KIF21B: variants seen among roughly 807,000 people sequenced by gnomAD.
The protein encoded by KIF21B is kinesin family member 21B, also known as kinesin-like protein KIF21B.
KIF21B carries 85 observed loss-of-function variants against 192.9 expected under a neutral mutation model. The ratio of observed to expected loss-of-function variants is 0.44; its 90% CI spans 0.37 to 0.53. The LOEUF is 0.53. Ranked by LOEUF, KIF21B falls within the 20% of genes least tolerant of loss-of-function variation. The probability of loss-of-function intolerance (pLI) is 0.00; values close to 1 mark genes in which losing one functional copy is unlikely to be tolerated. For missense variants in KIF21B, 1,716 were observed against 2,194.8 expected (o/e 0.78, Z 4.36); for synonymous variants, 832 against 884.6 (o/e 0.94, Z 1.05).
In KIF21B at chr1:200,984,868, G is replaced by A. The variant is rs144598197; in HGVS notation, c.3794C>T (p.Ala1265Val). 78 of 1,592,194 alleles carry A rather than the reference G, an allele frequency of 4.9e-5. 1 individual carries two copies. The highest frequency in any genetic ancestry group is 4.5e-5 in the Non-Finnish European group (53 of 1,171,228). ...CTCCAGCCCTGCTTACTTGTCCAGCGCTGACCCCTGGCTCTGATTACTGGT... is the reference window on the plus strand; with the variant it reads ...CTCCAGCCCTGCTTACTTGTCCAGCACTGACCCCTGGCTCTGATTACTGGT... Reference protein sequence around the residue: ...RLTSNQSQGSALDKSDDSDSS... With the variant: ...RLTSNQSQGSVLDKSDDSDSS... Residue 1265 changes from alanine (A) to valine (V), a missense_variant, in exon 27 of 35, where the codon GCG (alanine) becomes GTG (valine). This residue lies in a region of KIF21B where 580 missense variants were observed against 775.5 expected (regional missense o/e 0.75). Transcript: ENST00000461742.
chr1:200,976,704 C>T, intron 32 of KIF21B, 72 bp downstream of exon 32: 1 of 963,060 alleles, frequency 1.0e-6, no homozygotes, highest in Non-Finnish European at 1.6e-6. Context: ...ATGGGTACTC[C>T]CAGGGCAACA....
chr1:201,020,147 C>T (rs1179677364), intron 1 of KIF21B, among the ~76,000 whole-genome samples: 1 of 152,044 alleles, frequency 6.6e-6, no homozygotes, highest in Non-Finnish European at 1.5e-5. Context: ...GGAAGCCAGG[C>T]AGAGATAAGA....
chr1:200,982,947 C>T lies in KIF21B; in HGVS notation c.3842+109G>A. The T allele has an allele frequency of 1.0e-6, 1 of 961,540 alleles. No individual in the cohort carries two copies. Among genetic ancestry groups the T allele is most frequent in the African/African-American group, 1.6e-5 (1 of 62,010 alleles). 59.6% of individuals were successfully genotyped at this position (961,540 alleles called of 1,614,324 possible). On this transcript the variant is annotated intron_variant, in intron 28 of 34. Transcript: ENST00000461742. This position sits in a 1 kb window ranked among gnomAD's most constrained non-coding sequence, Gnocchi z 4.7. ...AGCAGGAAGGGGAGTGGAGGGGCCG[C>T]ATGCTGAGGACACGGGTGTCAGGCG... is the stretch of plus-strand genomic sequence containing the variant.
chr1:200,979,406 G>A, intron 30 of KIF21B, 129 bp downstream of exon 30: 2 of 608,866 alleles, frequency 3.3e-6, no homozygotes, highest in Non-Finnish European at 5.3e-6. Context: ...AAGTTCATAG[G>A]CTGGTAATGG....
chr1:201,013,148 C>T (rs549360849), intron 1 of KIF21B, among the ~76,000 whole-genome samples: 1 of 152,314 alleles, frequency 6.6e-6, no homozygotes, highest in Non-Finnish European at 1.5e-5. Flanking sequence ...CCACACCCTG[C>T]CTAGTGGCAA....
Position 200,976,891 on chromosome 1 carries a change from AACCTGC to A in KIF21B, c.4326-4_4327del. ...GCCAGTCAGCTTGCCGACAGGCTGGAACCTGCAGTGGGAAGAGGCCCAGCCAGGGGT... is the reference window on the plus strand; with the variant it reads ...GCCAGTCAGCTTGCCGACAGGCTGGAAGTGGGAAGAGGCCCAGCCAGGGGT... On this transcript the variant is annotated splice_acceptor_variant and splice_polypyrimidine_tract_variant and coding_sequence_variant and intron_variant, in exon 32 of 35. Coordinates refer to ENST00000461742, the MANE Select transcript of KIF21B (RefSeq NM_001252102.2). LOFTEE classifies it high-confidence loss of function. 1 of 1,605,192 alleles carries A rather than the reference AACCTGC, an allele frequency of 6.2e-7. No homozygotes were observed. Among genetic ancestry groups the A allele is most frequent in the East Asian group, 2.2e-5 (1 of 44,684 alleles).
rs1300793622 is a variant in KIF21B, at chr1:201,023,246, T to C, written c.41+97A>G. On this transcript the variant is annotated intron_variant, in intron 1 of 34. Coordinates refer to ENST00000461742, the MANE Select transcript of KIF21B (RefSeq NM_001252102.2). This position sits in a 1 kb window ranked among gnomAD's most constrained non-coding sequence, Gnocchi z 5.9. ...CGGCCCCTCCTCCGGGAGTGCAGGCTCCAGCCCAAGCGGTGCTCGCGCCCC... is the reference window on the plus strand; with the variant it reads ...CGGCCCCTCCTCCGGGAGTGCAGGCCCCAGCCCAAGCGGTGCTCGCGCCCC... The C allele has an allele frequency of 1.8e-5, 20 of 1,103,148 alleles. No homozygotes were observed. The highest frequency in any genetic ancestry group is 2.4e-5 in the Non-Finnish European group (19 of 805,344). 68.3% of individuals were successfully genotyped at this position (1,103,148 alleles called of 1,614,324 possible).
intron 3 of KIF21B, among the ~76,000 whole-genome samples, chr1:201,006,451 C>G (rs1657825272): frequency 6.6e-6 from 1 of 152,106 alleles, no homozygotes; most frequent in Non-Finnish European, 1.5e-5. Context: ...AGGGCAGCAG[C>G]CAAGAAAATG....
chr1:201,010,444 T>C (rs1041794225), intron 1 of KIF21B, among the ~76,000 whole-genome samples: 1 of 151,966 alleles, frequency 6.6e-6, no homozygotes, highest in Non-Finnish European at 1.5e-5. Flanking sequence ...ACCCCTTCCT[T>C]TCTCTCCCAA....
Position 200,991,006 on chromosome 1 carries a change from G to C in KIF21B, c.2598C>G (p.Val866=), listed in dbSNP as rs201704395. 41 of 1,614,198 alleles carry C rather than the reference G, an allele frequency of 2.5e-5. No individual in the cohort carries two copies. In the East Asian group the frequency reaches 7.6e-4, roughly 30 times the overall value. The change falls in exon 18 of 35, where the codon GTC becomes GTG. Residue 866 remains valine (V), a synonymous_variant. Coordinates refer to ENST00000461742, the MANE Select transcript of KIF21B (RefSeq NM_001252102.2). ...GGTTCCACTGGCGCACGATGCTGGA[G>C]ACAGAGCGGGCCCCTGATTCAGCCT... ...SSEAESGARS[V]SSIVRQWNRK... is the part of the protein sequence containing the mutation.
chr1:200,999,317 TC>T lies in KIF21B; in HGVS notation c.1885+31del. On this transcript the variant is annotated intron_variant, in intron 13 of 34. Coordinates refer to ENST00000461742, the MANE Select transcript of KIF21B (RefSeq NM_001252102.2). This position sits in a 1 kb window ranked among gnomAD's most constrained non-coding sequence, Gnocchi z 4.7. ...TGGGCACTGGCAGCCAGGCATTGCA[TC>T]CCCCACAGCCCACAGCTCAGGCCCA... The T allele has an allele frequency of 1.9e-6, 3 of 1,613,658 alleles. No individual in the cohort carries two copies. The highest frequency in any genetic ancestry group is 2.2e-5 in the South Asian group (2 of 91,070).
In KIF21B at chr1:200,989,586, C is replaced by T. The variant is rs572532647; in HGVS notation, c.3132+356G>A. On this transcript the variant is annotated intron_variant, in intron 21 of 34. Coordinates refer to ENST00000461742, the MANE Select transcript of KIF21B (RefSeq NM_001252102.2). ...GGTCTGTCTGTAGTTCCCCTACCCC[C>T]ACATACACACACTTCTCCCTCCACC... 4.6e-5 allele frequency among the ~76,000 whole-genome samples: 7 copies of T among 152,340 alleles called. No homozygotes were observed. The East Asian group carries it at 1.3e-3, about 29-fold the overall frequency.
chr1:200,996,369 T>C lies in KIF21B; in HGVS notation c.2104A>G (p.Lys702Glu). The change falls in exon 15 of 35, where the codon AAG becomes GAG. Residue 702 changes from lysine to glutamate, a missense_variant. By Grantham distance (56) the Lys-to-Glu change is moderately conservative. Coordinates refer to ENST00000461742, the MANE Select transcript of KIF21B (RefSeq NM_001252102.2). Reference protein sequence around the residue: ...LSTMECYTEEKANKIKADYEK... With the variant: ...LSTMECYTEEEANKIKADYEK... ...TAGTCTGCCTTGATCTTGTTGGCCT[T>C]CTCCTCAGTATAGCACTCCATGGTG... 5 of 1,614,022 alleles carry C rather than the reference T, an allele frequency of 3.1e-6. No individual in the cohort carries two copies. Among genetic ancestry groups the C allele is most frequent in the Non-Finnish European group, 4.2e-6 (5 of 1,180,006 alleles).
rs1383180221 is a variant in KIF21B, at chr1:201,009,373, CAA to C, written c.155_156del (p.Phe52CysfsTer28). 6.2e-7 allele frequency: 1 copy of C among 1,614,156 alleles called. No individual in the cohort carries two copies. Among genetic ancestry groups the C allele is most frequent in the Non-Finnish European group, 8.5e-7 (1 of 1,180,048 alleles). On this transcript the variant is annotated frameshift_variant, in exon 2 of 35. Transcript: ENST00000461742. LOFTEE classifies it high-confidence loss of function. ...TCTTGCCAGGTGTCCAGGTCGAAGA[CAA>C]AGTCATAGGTGAAGGCCTTGTCCTT... ...LGKDKAFTYDFVFDLDTWQEQ... is the reference protein window; with the variant it reads ...LGKDKAFTYDXVFDLDTWQEQ...
In KIF21B at chr1:200,976,035, T is replaced by G. The variant is rs147782667; in HGVS notation, c.4444-366A>C. 9.9e-5 allele frequency among the ~76,000 whole-genome samples: 15 copies of G among 152,272 alleles called. No individual in the cohort carries two copies. In the East Asian group the frequency reaches 2.9e-3, roughly 29 times the overall value. On this transcript the variant is annotated intron_variant, in intron 32 of 34. Transcript: ENST00000461742. ...TGTGAGCCTCCCTCTAGAATTCTTT[T>G]GATTTTTACTAAATATTCACCATAA...
At chr1:201,018,405 G>A (rs184827650) in intron 1 of KIF21B, among the ~76,000 whole-genome samples, 1 of 152,210 alleles carries the variant, frequency 6.6e-6, no homozygotes, top group South Asian at 2.1e-4. Flanking sequence ...GCAGCCCCAT[G>A]CTGCTAAGCA....
At chr1:201,001,429 T>C (rs1490807922) in intron 9 of KIF21B, 1 of 152,830 alleles carries the variant, frequency 6.5e-6, no homozygotes, top group Non-Finnish European at 1.5e-5. Flanking sequence ...GGTCTTGCTC[T>C]GTCGCCCAGG....
chr1:200,986,129 C>T (rs1225963475), intron 26 of KIF21B, among the ~76,000 whole-genome samples: 1 of 151,302 alleles, frequency 6.6e-6, no homozygotes, highest in Non-Finnish European at 1.5e-5. Context: ...TTACTGGCGC[C>T]CGGCCTTTCC....
chr1:200,974,013 G>A, intron 34 of KIF21B: 1 of 1,564,680 alleles, frequency 6.4e-7, no homozygotes, highest in Non-Finnish European at 8.7e-7. Context: ...CCGTTAAGAA[G>A]CAGCTCAGAT....
Sources: allele counts gnomAD v4.1 joint callset (sites outside exome capture counted in the v4.1 genomes callset), GRCh38; gene constraint gnomAD v4.1.1; regional missense constraint gnomAD v4.1.1; non-coding constraint Gnocchi (gnomAD v3.1); transcripts MANE v1.5; gene names NCBI Gene and HGNC (gene_info 2026-07-23, HGNC 2026-07-21).